CA10: variants seen among roughly 807,000 people sequenced by gnomAD.
CA10 encodes carbonic anhydrase-related protein 10.
A neutral mutation model predicts 44.2 loss-of-function variants in CA10; 14 were observed. That is an observed-to-expected ratio of 0.32 (90% CI 0.21 to 0.50). The LOEUF is 0.50. CA10 is among the 20% of genes least tolerant of loss of function. The pLI, the probability that CA10 is intolerant of heterozygous loss-of-function variation, is 0.99. For missense variants in CA10, 350 were observed against 409.7 expected, an observed-to-expected ratio of 0.85 and a Z score of 1.26; for synonymous variants, 159 against 141.6, an observed-to-expected ratio of 1.12 and a Z score of -0.87.
At chr17:51,920,818 C>T (rs1431585526) in intron 3 of CA10, among the ~76,000 whole-genome samples, 1 of 152,182 alleles carries the variant, frequency 6.6e-6, no homozygotes, top group East Asian at 1.9e-4. Flanking sequence ...CATCACTTTT[C>T]ACTGCTATGC....
At chr17:51,822,713 G>A (rs1380557957) in intron 3 of CA10, among the ~76,000 whole-genome samples, 1 of 152,180 alleles carries the variant, frequency 6.6e-6, no homozygotes, top group Non-Finnish European at 1.5e-5. Flanking sequence ...ACACATAAAA[G>A]GGGGCATCTA....
intron 4 of CA10, among the ~76,000 whole-genome samples, chr17:51,717,812 C>CATATAT (rs1567815553): frequency 8.8e-5 from 1 of 11,414 alleles, no homozygotes; most frequent in African/African-American, 3.1e-4. Context: ...TATATATACA[C>CATATAT]GTATATATAT....
intron 3 of CA10, among the ~76,000 whole-genome samples, chr17:51,857,239 T>TAAA (rs1190461091): frequency 6.6e-6 from 1 of 152,222 alleles, no homozygotes; most frequent in Non-Finnish European, 1.5e-5. Flanking sequence ...AAAACCCTCC[T>TAAA]AAATATGTAT....
At chr17:51,863,217 T>C (rs540952929) in intron 3 of CA10, among the ~76,000 whole-genome samples, 1 of 152,332 alleles carries the variant, frequency 6.6e-6, no homozygotes, top group Admixed American at 6.5e-5. Context: ...ACTGTTGTTG[T>C]TATCATCATC....
At chr17:52,143,726 A>G (rs1218365849) in intron 1 of CA10, among the ~76,000 whole-genome samples, 2 of 152,174 alleles carry the variant, frequency 1.3e-5, no homozygotes, top group Admixed American at 1.3e-4. Context: ...AAACAGGAGT[A>G]GGGGTTTAGT....
intron 1 of CA10, among the ~76,000 whole-genome samples, chr17:52,133,915 T>C (rs970793835): frequency 6.6e-6 from 1 of 152,200 alleles, no homozygotes; most frequent in Non-Finnish European, 1.5e-5. Context: ...GGGAAGATGC[T>C]TTATGACTGT....
chr17:51,642,337 G>A (rs1913122738), intron 6 of CA10, among the ~76,000 whole-genome samples: 1 of 152,164 alleles, frequency 6.6e-6, no homozygotes, highest in Non-Finnish European at 1.5e-5. Context: ...GTGATATTTC[G>A]TCACATTTAA....
intron 3 of CA10, among the ~76,000 whole-genome samples, chr17:51,831,198 C>A (rs915718806): frequency 6.6e-6 from 1 of 152,196 alleles, no homozygotes; most frequent in East Asian, 1.9e-4. Context: ...GAAACAGTTC[C>A]CATGGCATGG....
At chr17:51,881,132 C>T (rs1567871710) in intron 3 of CA10, among the ~76,000 whole-genome samples, 5 of 148,794 alleles carry the variant, frequency 3.4e-5, no homozygotes, top group African/African-American at 4.9e-5. Context: ...CCCAGCTACT[C>T]GGGAGGCTGA....
At chr17:51,827,002 A>G (rs1908032279) in intron 3 of CA10, among the ~76,000 whole-genome samples, 1 of 152,160 alleles carries the variant, frequency 6.6e-6, no homozygotes, top group South Asian at 2.1e-4. Flanking sequence ...AAGTGCTATC[A>G]TTTCCTACTG....
intron 3 of CA10, among the ~76,000 whole-genome samples, chr17:51,756,283 T>C (rs1303424009): frequency 1.3e-5 from 2 of 152,134 alleles, no homozygotes; most frequent in Admixed American, 1.3e-4. Flanking sequence ...GCATTATCCA[T>C]ATTCTGCATA....
chr17:51,878,648 T>A (rs1284659381), intron 3 of CA10, among the ~76,000 whole-genome samples: 1 of 151,682 alleles, frequency 6.6e-6, no homozygotes, highest in Non-Finnish European at 1.5e-5. Flanking sequence ...TTATCTTCTG[T>A]GATCCAGGTA....
intron 2 of CA10, 109 bp downstream of exon 2, chr17:52,072,210 C>T: frequency 1.4e-6 from 1 of 725,296 alleles, no homozygotes; most frequent in African/African-American, 1.8e-5. Flanking sequence ...ATTCATTGCA[C>T]ACATAAATTA....
intron 3 of CA10, among the ~76,000 whole-genome samples, chr17:51,814,134 T>A (rs1172993283): frequency 6.6e-6 from 1 of 152,214 alleles, no homozygotes; most frequent in Non-Finnish European, 1.5e-5. Context: ...TCTTGGGGCC[T>A]CAGTTACTTC....
At chr17:51,990,941 G>A (rs922026399) in intron 2 of CA10, among the ~76,000 whole-genome samples, 5 of 152,094 alleles carry the variant, frequency 3.3e-5, no homozygotes, top group African/African-American at 1.2e-4. Context: ...GAAACAGGGA[G>A]AAGAATCTGC....
intron 6 of CA10, among the ~76,000 whole-genome samples, chr17:51,648,053 C>T (rs1300199782): frequency 2.6e-5 from 4 of 152,154 alleles, no homozygotes; most frequent in Admixed American, 2.0e-4. Flanking sequence ...CCTGGAGCTT[C>T]GCTTGGTGCC....
intron 8 of CA10, among the ~76,000 whole-genome samples, chr17:51,633,257 C>T (rs1483803829): frequency 6.6e-6 from 1 of 152,182 alleles, no homozygotes; most frequent in Non-Finnish European, 1.5e-5. Context: ...CACTTACTTA[C>T]CTACCTACCA....
chr17:51,668,027 T>C lies in CA10; in HGVS notation c.466-14291A>G, dbSNP rs1914270588. Among the ~76,000 whole-genome samples, 4 of 152,202 alleles carry C rather than the reference T, an allele frequency of 2.6e-5. No individual in the cohort carries two copies. The South Asian group carries it at 8.3e-4, about 31-fold the overall frequency. ...TTTTTCATTCTTTCCTCCCTATCCT[T>C]GTAACCCAGGCCCAACCATTCAGCA... On this transcript the variant is annotated intron_variant, in intron 4 of 8. Transcript: ENST00000451037.
chr17:52,069,366 G>A (rs1277919550), intron 2 of CA10, among the ~76,000 whole-genome samples: 1 of 152,166 alleles, frequency 6.6e-6, no homozygotes, highest in Admixed American at 6.5e-5. Flanking sequence ...CCTTCCCTGA[G>A]TATATGATGG....
Sources: gnomAD v4.1 joint callset for allele counts (sites outside exome capture counted in the v4.1 genomes callset) on GRCh38, gnomAD v4.1.1 for gene constraint, MANE v1.5 for transcripts, NCBI Gene and HGNC (gene_info 2026-07-23, HGNC 2026-07-21) for gene names.